Variants in EXPH5 observed in about 807,000 individuals in gnomAD.
EXPH5 encodes the protein exophilin 5.
EXPH5 carries 42 observed loss-of-function variants against 41.1 expected under a neutral mutation model. The observed-to-expected ratio is 1.02, with a 90% CI of 0.80 to 1.32. The LOEUF (loss-of-function observed/expected upper bound fraction) is 1.32, where lower values mean the gene tolerates loss of function less well. EXPH5 is among the 40% of genes most tolerant of loss of function. The pLI is 0.00. For synonymous variants in EXPH5, 798 were observed against 833.5 expected, an observed-to-expected ratio of 0.96 and a Z score of 0.73; for missense variants, 2,298 against 2,314.5, an observed-to-expected ratio of 0.99 and a Z score of 0.15.
chr11:108,555,181 T>C (rs1591732943), intron 1 of EXPH5, among the ~76,000 whole-genome samples: 1 of 152,252 alleles, frequency 6.6e-6, no homozygotes, highest in African/African-American at 2.4e-5. Context: ...GCTCTCACAC[T>C]GCACTGAATG....
intron 1 of EXPH5, among the ~76,000 whole-genome samples, chr11:108,582,835 G>A (rs548385734): frequency 6.6e-6 from 1 of 152,304 alleles, no homozygotes; most frequent in East Asian, 1.9e-4. Flanking sequence ...TCTGCACAAA[G>A]CATTCTCCCT....
At chr11:108,526,650 G>A (rs1439469471) in intron 4 of EXPH5, among the ~76,000 whole-genome samples, 1 of 152,194 alleles carries the variant, frequency 6.6e-6, no homozygotes, top group African/African-American at 2.4e-5. Context: ...TCCGCAGGTG[G>A]CGAGCAACTG....
chr11:108,574,647 A>C (rs1300879149), intron 1 of EXPH5, among the ~76,000 whole-genome samples: 1 of 152,128 alleles, frequency 6.6e-6, no homozygotes, highest in Non-Finnish European at 1.5e-5. Flanking sequence ...GTTCAATCTC[A>C]GGGGATGGAT....
intron 2 of EXPH5, among the ~76,000 whole-genome samples, chr11:108,539,969 T>C (rs751234494): frequency 6.6e-6 from 1 of 152,164 alleles, no homozygotes; most frequent in Non-Finnish European, 1.5e-5. Context: ...ATAATATATA[T>C]GTATAGATAA....
chr11:108,561,566 C>A (rs2094011705), intron 1 of EXPH5, among the ~76,000 whole-genome samples: 1 of 152,136 alleles, frequency 6.6e-6, no homozygotes, highest in African/African-American at 2.4e-5. Flanking sequence ...ATGGGTAGTT[C>A]CTGTGCTTTG....
the EXPH5 span, among the ~76,000 whole-genome samples, chr11:108,599,696 T>C: frequency 6.6e-6 from 1 of 152,252 alleles, no homozygotes; most frequent in African/African-American, 2.4e-5. Context: ...TGTGGTTGCC[T>C]TTCTGTTTAG....
upstream of EXPH5, among the ~76,000 whole-genome samples, chr11:108,598,700 C>T (rs184216584): frequency 1.7e-3 from 251 of 152,018 alleles, 2 homozygotes; most frequent in Middle Eastern, 3.4e-3. Flanking sequence ...AGGCAAGTGC[C>T]AAGATGCTGA....
chr11:108,595,042 G>A (rs1435539064), upstream of EXPH5, among the ~76,000 whole-genome samples: 1 of 152,192 alleles, frequency 6.6e-6, no homozygotes, highest in Non-Finnish European at 1.5e-5. Flanking sequence ...TGTATATGGT[G>A]TCCAGTTTTT....
chr11:108,537,994 C>T (rs2093890076), intron 3 of EXPH5: 1 of 985,396 alleles, frequency 1.0e-6, no homozygotes, highest in African/African-American at 1.7e-5. Context: ...GCTAGTGACT[C>T]TGGTAGCTAC....
intron 1 of EXPH5, among the ~76,000 whole-genome samples, chr11:108,570,490 A>T (rs2094055434): frequency 6.6e-6 from 1 of 152,064 alleles, no homozygotes; most frequent in Non-Finnish European, 1.5e-5. Flanking sequence ...CCTGACCTTA[A>T]GTGATTTTCC....
In EXPH5 at chr11:108,514,526, T is replaced by C. The variant is rs1360814742; in HGVS notation, c.981A>G (p.Gln327=). The C allele has an allele frequency of 2.5e-6, 4 of 1,612,814 alleles. No homozygotes were observed. The highest frequency in any genetic ancestry group is 1.7e-5 in the Admixed American group (1 of 59,840). ...GCCCTGTGGCTGGTAAGGCCGACCG[T>C]TGCCTGCTGTCAAAACACAGCGAAG... ...GSTSLCFDSR[Q]RSALPATGHF... is the part of the protein sequence containing the mutation. Residue 327 remains glutamine, a synonymous_variant, in exon 6 of 6, where the codon CAA becomes CAG. Coordinates refer to ENST00000265843, the MANE Select transcript of EXPH5 (RefSeq NM_015065.3).
chr11:108,571,501 G>T (rs1374186986), intron 1 of EXPH5, among the ~76,000 whole-genome samples: 2 of 152,162 alleles, frequency 1.3e-5, no homozygotes, highest in Non-Finnish European at 2.9e-5. Flanking sequence ...TCTACTCTGA[G>T]GAGTGAAGAG....
chr11:108,535,579 G>A (rs931155951), intron 3 of EXPH5, among the ~76,000 whole-genome samples: 1 of 152,196 alleles, frequency 6.6e-6, no homozygotes. Flanking sequence ...TGGAGAGAAG[G>A]CGGGTAACAG....
rs2093675368 is a variant in EXPH5, at chr11:108,510,890, T to A, written c.4617A>T (p.Glu1539Asp). The change falls in exon 6 of 6, where the codon GAA becomes GAT. Residue 1539 changes from glutamate (E) to aspartate (D), a missense_variant. Transcript: ENST00000265843. ...NLESLQSEPR[E>D]LPQRSQEANM... ...TTGCCTCCTGACTTCTTTGAGGTAA[T>A]TCTCTTGGTTCAGACTGCAGACTCT... The A allele has an allele frequency of 1.2e-6, 2 of 1,614,246 alleles. No individual in the cohort carries two copies. Among genetic ancestry groups the A allele is most frequent in the Admixed American group, 1.7e-5 (1 of 60,024 alleles).
intron 1 of EXPH5, among the ~76,000 whole-genome samples, chr11:108,587,683 G>A (rs1564582): frequency 0.4 from 60,465 of 152,008 alleles, 13,549 homozygotes; most frequent in Non-Finnish European, 0.49. Flanking sequence ...CTTCGTAACG[G>A]ACATTTATGA....
At chr11:108,607,453 A>G in the EXPH5 span, among the ~76,000 whole-genome samples, 3 of 152,198 alleles carry the variant, frequency 2.0e-5, no homozygotes, top group African/African-American at 7.2e-5. Context: ...GCATCAAACA[A>G]TTGGAAACCT....
upstream of EXPH5, among the ~76,000 whole-genome samples, chr11:108,594,129 G>A (rs144108312): frequency 2.0e-5 from 3 of 152,118 alleles, no homozygotes; most frequent in African/African-American, 7.2e-5. Flanking sequence ...ACTGGCAAAA[G>A]GGTTACTTAT....
At chr11:108,517,629 T>C (rs545823604) in intron 5 of EXPH5, among the ~76,000 whole-genome samples, 212 of 152,364 alleles carry the variant, frequency 1.4e-3, no homozygotes, top group Non-Finnish European at 2.5e-3. Flanking sequence ...TCAGTTTTTA[T>C]CATCATACAA....
intron 1 of EXPH5, among the ~76,000 whole-genome samples, chr11:108,579,850 G>T (rs1455920025): frequency 6.6e-6 from 1 of 152,168 alleles, no homozygotes; most frequent in African/African-American, 2.4e-5. Flanking sequence ...GGTTTGAGGA[G>T]TAGGAAAAGG....
Sources: allele counts gnomAD v4.1 joint callset (sites outside exome capture counted in the v4.1 genomes callset), GRCh38; gene constraint gnomAD v4.1.1; transcripts MANE v1.5; gene names NCBI Gene and HGNC (gene_info 2026-07-23, HGNC 2026-07-21).